Variants in CD247 observed in about 807,000 individuals in gnomAD.
CD247 encodes the protein T-cell surface glycoprotein CD3 zeta chain.
CD247 carries 13 observed loss-of-function variants against 30.0 expected under a neutral mutation model. The ratio of observed to expected loss-of-function variants is 0.43; its 90% confidence interval spans 0.28 to 0.69. The LOEUF (loss-of-function observed/expected upper bound fraction) is 0.69, where lower values mean the gene tolerates loss of function less well. Ranked by LOEUF, CD247 falls within the 30% of genes least tolerant of loss-of-function variation. The pLI, the probability that CD247 is intolerant of heterozygous loss-of-function variation, is 0.16. For missense variants in CD247, 193 were observed against 212.6 expected, an observed-to-expected ratio of 0.91 and a Z score of 0.57; for synonymous variants, 72 against 80.0, an observed-to-expected ratio of 0.90 and a Z score of 0.53.
At chr1:167,482,090 AC>A in intron 1 of CD247, among the ~76,000 whole-genome samples, 1 of 152,272 alleles carries the variant, frequency 6.6e-6, no homozygotes, top group Non-Finnish European at 1.5e-5. Flanking sequence ...CAACCTCTGA[AC>A]TGTCTCAGCA....
At chr1:167,456,911 C>G (rs781712708) in intron 1 of CD247, among the ~76,000 whole-genome samples, 2 of 152,178 alleles carry the variant, frequency 1.3e-5, no homozygotes, top group African/African-American at 2.4e-5. Flanking sequence ...TGTACTCTCT[C>G]GGGGACATCA....
intron 1 of CD247, among the ~76,000 whole-genome samples, chr1:167,505,846 C>T (rs1655091636): frequency 6.6e-6 from 1 of 152,230 alleles, no homozygotes; most frequent in African/African-American, 2.4e-5. Flanking sequence ...TAAGGTGGCC[C>T]AGCCACCTGC....
At chr1:167,444,080 A>G (rs1651961899) in intron 1 of CD247, among the ~76,000 whole-genome samples, 1 of 152,234 alleles carries the variant, frequency 6.6e-6, no homozygotes, top group Non-Finnish European at 1.5e-5. Flanking sequence ...GGTTTTGGAC[A>G]AGTCACTTCC....
chr1:167,479,570 G>A (rs1238666577), intron 1 of CD247, among the ~76,000 whole-genome samples: 1 of 152,124 alleles, frequency 6.6e-6, no homozygotes, highest in East Asian at 1.9e-4. Context: ...AGGAGTTCAG[G>A]TTTGTTTTTG....
At chr1:167,493,775 G>A (rs1210273173) in intron 1 of CD247, among the ~76,000 whole-genome samples, 1 of 152,196 alleles carries the variant, frequency 6.6e-6, no homozygotes, top group African/African-American at 2.4e-5. Context: ...CTAGTTAGGG[G>A]CAGTGCTGAG....
At chr1:167,509,154 G>A (rs1054570016) in intron 1 of CD247, among the ~76,000 whole-genome samples, 1 of 152,092 alleles carries the variant, frequency 6.6e-6, no homozygotes, top group Non-Finnish European at 1.5e-5. Context: ...ATCACTTGAG[G>A]TCGGGAGTTT....
rs555212136 is a variant in CD247 at position 167,498,027 on chromosome 1, T to A, written c.58+20381A>T. ...TTTTCTCCCTGGTTCCTGCTACAGA[T>A]CTTGCTGTAGATGGGTGATGGTGCC... On this transcript the variant is annotated intron_variant, in intron 1 of 7. Coordinates refer to ENST00000362089, the MANE Select transcript of CD247 (RefSeq NM_198053.3). Among the ~76,000 whole-genome samples the A allele has an allele frequency of 2.6e-5, 4 of 152,310 alleles. No individual in the cohort carries two copies. The East Asian group carries it at 5.8e-4, about 22-fold the overall frequency.
intron 1 of CD247, chr1:167,448,581 C>T (rs1033281960): frequency 2.2e-5 from 21 of 949,694 alleles, no homozygotes; most frequent in Non-Finnish European, 2.6e-5. Context: ...CTGGAGATAC[C>T]TCAATCACCC....
rs111891678 is a variant in CD247 at position 167,471,831 on chromosome 1, CTTT to C, written c.59-31067_59-31065del. The stretch of plus-strand genomic sequence containing the variant: ...CTTTTTTTTTTCTTTCTGTTTCTTT[CTTT>C]TTTTTTTTTTTTTTTTGAGACTGAG... On this transcript the variant is annotated intron_variant, in intron 1 of 7. Coordinates refer to ENST00000362089, the MANE Select transcript of CD247 (RefSeq NM_198053.3). Among the ~76,000 whole-genome samples the C allele has an allele frequency of 7.8e-3, 917 of 117,122 alleles. 2 individuals are homozygous for C. Among genetic ancestry groups the C allele is most frequent in the African/African-American group, 0.027 (859 of 31,590 alleles). 76.8% of individuals were successfully genotyped at this position (117,122 alleles called of 152,430 possible).
intron 1 of CD247, among the ~76,000 whole-genome samples, chr1:167,502,228 T>C (rs1180091199): frequency 6.6e-6 from 1 of 152,180 alleles, no homozygotes; most frequent in Non-Finnish European, 1.5e-5. Context: ...TGTGAACGTG[T>C]CCTCAACACC....
At chr1:167,485,091 C>G (rs2102069200) in intron 1 of CD247, among the ~76,000 whole-genome samples, 1 of 152,362 alleles carries the variant, frequency 6.6e-6, no homozygotes, top group South Asian at 2.1e-4. Context: ...TGAGGGACAA[C>G]CAGGCACATC....
At position 167,494,291 on chromosome 1, in the gene CD247, A is replaced by G. The variant is rs1334815483; in HGVS notation, c.58+24117T>C. ...CAGTTCAGCAAAACCTCTGTCAACA[A>G]ATAGAGGATTTGTTTAATCTTTTCT... On this transcript the variant is annotated intron_variant, in intron 1 of 7. Transcript: ENST00000362089. This position sits in a 1 kb window ranked among gnomAD's most constrained non-coding sequence, Gnocchi z 7.3. Among the ~76,000 whole-genome samples, 1 of 152,190 alleles carries G rather than the reference A, an allele frequency of 6.6e-6. No individual in the cohort carries two copies. The highest frequency in any genetic ancestry group is 2.4e-5 in the African/African-American group (1 of 41,444).
At chr1:167,432,902 G>T in intron 7 of CD247, 122 bp downstream of exon 7, 3 of 1,050,464 alleles carry the variant, frequency 2.9e-6, no homozygotes, top group Non-Finnish European at 2.9e-6. Context: ...TGGGTGCCTT[G>T]GGCTTGCCCT....
intron 1 of CD247, among the ~76,000 whole-genome samples, 162 bp from the exon 2 acceptor site, chr1:167,440,929 C>T (rs1273948690): frequency 6.6e-6 from 1 of 152,200 alleles, no homozygotes; most frequent in African/African-American, 2.4e-5. Context: ...CCCTCCCTCC[C>T]ACCTCAACCA....
chr1:167,490,587 C>T (rs1285447260), intron 1 of CD247, among the ~76,000 whole-genome samples: 1 of 151,920 alleles, frequency 6.6e-6, no homozygotes, highest in African/African-American at 2.4e-5. Flanking sequence ...CGCGCCACTG[C>T]ACTCCAGCCT....
Position 167,438,670 on chromosome 1 carries a change from G to T in CD247, c.220-20C>A. ...GAGCTCCTATAACAGATAAGAAAGTGTCAGACACAGGACGGAGGAACCTCA... is the reference window on the plus strand; with the variant it reads ...GAGCTCCTATAACAGATAAGAAAGTTTCAGACACAGGACGGAGGAACCTCA... On this transcript the variant is annotated intron_variant, in intron 3 of 7. Transcript: ENST00000362089. 6.3e-7 allele frequency: 1 copy of T among 1,590,376 alleles called. No individual in the cohort carries two copies. The highest frequency in any genetic ancestry group is 8.6e-7 in the Non-Finnish European group (1 of 1,158,494).
At chr1:167,498,839 C>T (rs565062686) in intron 1 of CD247, among the ~76,000 whole-genome samples, 10 of 152,290 alleles carry the variant, frequency 6.6e-5, no homozygotes, top group South Asian at 4.1e-4. Flanking sequence ...ATGCAGATGG[C>T]GGACACAAGA....
At chr1:167,471,886 G>A (rs1362203869) in intron 1 of CD247, among the ~76,000 whole-genome samples, 1 of 129,574 alleles carries the variant, frequency 7.7e-6, no homozygotes, top group Non-Finnish European at 1.5e-5. Context: ...AGTCTGAAGT[G>A]CAGTAGTGCG....
chr1:167,497,203 C>G (rs1654728193), intron 1 of CD247, among the ~76,000 whole-genome samples: 1 of 152,114 alleles, frequency 6.6e-6, no homozygotes. Flanking sequence ...GTAAAAAGAA[C>G]AGTTACGAAA....
Sources: allele counts gnomAD v4.1 joint callset (sites outside exome capture counted in the v4.1 genomes callset), GRCh38; gene constraint gnomAD v4.1.1; non-coding constraint Gnocchi (gnomAD v3.1); transcripts MANE v1.5; gene names NCBI Gene and HGNC (gene_info 2026-07-23, HGNC 2026-07-21).